IL5RA: variants seen among roughly 807,000 people sequenced by gnomAD.
IL5RA encodes the protein interleukin 5 receptor subunit alpha.
In IL5RA, 49 loss-of-function variants were observed where a neutral mutation model predicts 50.0. The ratio of observed to expected loss-of-function variants is 0.98; its 90% CI spans 0.78 to 1.24. IL5RA has a LOEUF of 1.24. IL5RA is among the 50% of genes most tolerant of loss of function. The pLI is 0.00. For synonymous variants in IL5RA, 202 were observed against 174.0 expected (o/e 1.16, Z -1.26); for missense variants, 600 against 500.4 (o/e 1.20, Z -1.90).
chr3:3,107,189 C>T (rs1032815759), intron 2 of IL5RA, among the ~76,000 whole-genome samples: 1 of 151,722 alleles, frequency 6.6e-6, no homozygotes, highest in African/African-American at 2.4e-5. Flanking sequence ...TGAACAAAAT[C>T]AGTTGTCCTA....
intron 10 of IL5RA, among the ~76,000 whole-genome samples, chr3:3,075,203 CTTTTTTTTTT>C (rs10642608): frequency 2.9e-5 from 2 of 69,940 alleles, no homozygotes; most frequent in African/African-American, 6.0e-5. Flanking sequence ...AGTTTACTTA[CTTTTTTTTTT>C]TTTTTTTTTT....
chr3:3,086,433 T>G (rs2125965164), intron 9 of IL5RA, among the ~76,000 whole-genome samples: 1 of 152,026 alleles, frequency 6.6e-6, no homozygotes, highest in South Asian at 2.1e-4. Flanking sequence ...TTAAGAAAGT[T>G]TAAAAAGGAG....
chr3:3,076,384 A>G, intron 10 of IL5RA, 147 bp downstream of exon 10: 1 of 611,818 alleles, frequency 1.6e-6, no homozygotes, highest in Non-Finnish European at 3.0e-6. Flanking sequence ...TTTGGCCTAC[A>G]CTCATCTTGG....
chr3:3,077,883 A>G (rs1325035556), intron 9 of IL5RA, among the ~76,000 whole-genome samples: 1 of 152,212 alleles, frequency 6.6e-6, no homozygotes, highest in African/African-American at 2.4e-5. Flanking sequence ...ATCCTGTGTC[A>G]TCTCCCTGAA....
intron 9 of IL5RA, among the ~76,000 whole-genome samples, chr3:3,091,034 C>A (rs1050234242): frequency 2.6e-5 from 4 of 152,112 alleles, no homozygotes; most frequent in Non-Finnish European, 4.4e-5. Context: ...GAGACGATGC[C>A]CATCTTACTT....
chr3:3,071,900 G>A (rs536278657), intron 11 of IL5RA, among the ~76,000 whole-genome samples: 18 of 152,078 alleles, frequency 1.2e-4, no homozygotes, highest in Non-Finnish European at 2.5e-4. Context: ...CTTCACTGAC[G>A]TCCAAATTTC....
intron 11 of IL5RA, chr3:3,073,954 C>T (rs17879323): frequency 0.021 from 5,317 of 249,818 alleles, 310 homozygotes; most frequent in African/African-American, 0.12. Flanking sequence ...ACAAATAGAT[C>T]GATAAAACCA....
intron 9 of IL5RA, among the ~76,000 whole-genome samples, chr3:3,079,428 C>A (rs1272865231): frequency 6.6e-6 from 1 of 152,194 alleles, no homozygotes; most frequent in Non-Finnish European, 1.5e-5. Flanking sequence ...CTCTTTCCAT[C>A]CTTTACAGCC....
intron 11 of IL5RA, among the ~76,000 whole-genome samples, chr3:3,071,255 G>A (rs576427225): frequency 6.6e-5 from 10 of 152,094 alleles, no homozygotes; most frequent in African/African-American, 2.2e-4. Context: ...AATAGTTTAC[G>A]GGCAACCTAA....
chr3:3,095,731 CAA>C (rs1703331478), intron 7 of IL5RA, among the ~76,000 whole-genome samples: 1 of 151,762 alleles, frequency 6.6e-6, no homozygotes, highest in Non-Finnish European at 1.5e-5. Flanking sequence ...CAGCTCATTG[CAA>C]GACTCACCCA....
At position 3,109,522 on chromosome 3, in the gene IL5RA, G is replaced by A. The variant is rs114995323; in HGVS notation, c.-146+423C>T. Among the ~76,000 whole-genome samples, 426 of 152,176 alleles carry A rather than the reference G, an allele frequency of 2.8e-3. 2 individuals carry two copies. Among genetic ancestry groups the A allele is most frequent in the African/African-American group, 9.9e-3 (411 of 41,516 alleles). On this transcript the variant is annotated intron_variant, in intron 1 of 11. Coordinates refer to ENST00000446632, the MANE Select transcript of IL5RA (RefSeq NM_175726.4). ...TTTTAATTGCATAATTATCTGGAGC[G>A]GTGGAAAACAGATGTCTTATATTGA...
Position 3,092,253 on chromosome 3 carries a change from C to T in IL5RA, c.965G>A (p.Trp322Ter). Residue 322 changes from tryptophan to a stop codon, truncating the protein, a stop_gained, in exon 9 of 12, where the codon TGG becomes TAG. Transcript: ENST00000446632. LOFTEE classifies it high-confidence loss of function. The surrounding 1 kb of genome is among the most constrained non-coding windows in gnomAD (Gnocchi z 4.2). ...ATAAATAGGTTGGCTCCACTCACTC[C>T]AGAGCCCTGCCTCTCTGCACATGGA... Reference protein sequence around the residue: ...VSSMCREAGLWSEWSQPIYVG... With the variant: ...VSSMCREAGL 1 of 1,614,128 alleles carries T rather than the reference C, an allele frequency of 6.2e-7. No individual in the cohort carries two copies. The highest frequency in any genetic ancestry group is 8.5e-7 in the Non-Finnish European group (1 of 1,180,028).
rs17885000 is a variant in IL5RA at position 3,092,261 on chromosome 3, T to C, written c.957A>G (p.Ala319=). ...RAAVSSMCRE[A]GLWSEWSQPI... ...GTTGGCTCCACTCACTCCAGAGCCCTGCCTCTCTGCACATGGAGCTCACTG... is the reference window on the plus strand; with the variant it reads ...GTTGGCTCCACTCACTCCAGAGCCCCGCCTCTCTGCACATGGAGCTCACTG... The change falls in exon 9 of 12, where the codon GCA becomes GCG. Residue 319 remains alanine, a synonymous_variant. Coordinates refer to ENST00000446632, the MANE Select transcript of IL5RA (RefSeq NM_175726.4). The surrounding 1 kb of genome is among the most constrained non-coding windows in gnomAD (Gnocchi z 4.2). 2.0e-3 allele frequency: 3,186 copies of C among 1,614,154 alleles called. 59 individuals carry two copies. The African/African-American group carries it at 0.038, about 19-fold the overall frequency.
chr3:3,086,418 G>A (rs538003574), intron 9 of IL5RA, among the ~76,000 whole-genome samples: 6 of 152,222 alleles, frequency 3.9e-5, no homozygotes, highest in East Asian at 1.9e-4. Flanking sequence ...AGAAGAATCC[G>A]GAAGTTAAGA....
intron 9 of IL5RA, among the ~76,000 whole-genome samples, chr3:3,083,439 T>TTGTGTGCATGCGTGTATTTG (rs1702738434): frequency 6.6e-6 from 1 of 152,186 alleles, no homozygotes; most frequent in Non-Finnish European, 1.5e-5. Flanking sequence ...GTGTGTGTAT[T>TTGTGTGCATGCGTGTATTTG]TGTGTGCATG....
In IL5RA at chr3:3,070,066, T is replaced by C. The variant is rs1702246061; in HGVS notation, c.*159A>G. The stretch of plus-strand genomic sequence containing the variant: ...GATTTGGATGAAGCATCCATACTTT[T>C]AAGAGATACAAGACTGGTGTGTCTG... On this transcript the variant is annotated 3_prime_UTR_variant, in exon 12 of 12. Transcript: ENST00000446632. 3.3e-6 allele frequency: 2 copies of C among 597,662 alleles called. No homozygotes were observed. The highest frequency in any genetic ancestry group is 6.0e-6 in the Non-Finnish European group (2 of 330,674). The allele number at this position is 597,662 out of a possible 1,614,324, so 37.0% of individuals were successfully genotyped here. A position where few individuals can be genotyped will look rare whatever the true frequency, so the allele number is the denominator to read the frequency against.
Position 3,092,116 on chromosome 3 carries a change from G to A in IL5RA, c.994+108C>T. 2 of 1,502,180 alleles carry A rather than the reference G, an allele frequency of 1.3e-6. No homozygotes were observed. The highest frequency in any genetic ancestry group is 1.8e-6 in the Non-Finnish European group (2 of 1,133,240). The allele number at this position is 1,502,180 out of a possible 1,614,324, so 93.1% of individuals were successfully genotyped here. A position where few individuals can be genotyped will look rare whatever the true frequency, so the allele number is the denominator to read the frequency against. ...GACCGAGAGAAAATTAGTCACAATA[G>A]AGATATGAAACCATTTTAAGACCCA... On this transcript the variant is annotated intron_variant, in intron 9 of 11. Transcript: ENST00000446632. The surrounding 1 kb of genome is among the most constrained non-coding windows in gnomAD (Gnocchi z 4.2).
At chr3:3,086,981 T>C (rs1244169981) in intron 9 of IL5RA, among the ~76,000 whole-genome samples, 1 of 152,090 alleles carries the variant, frequency 6.6e-6, no homozygotes, top group African/African-American at 2.4e-5. Context: ...CCAAATACCA[T>C]ATGTTCTCAC....
At chr3:3,071,361 T>C (rs970633859) in intron 11 of IL5RA, among the ~76,000 whole-genome samples, 1 of 152,218 alleles carries the variant, frequency 6.6e-6, no homozygotes, top group Non-Finnish European at 1.5e-5. Context: ...GCGTGGCTCA[T>C]GCCTGTAATC....
Sources: gnomAD v4.1 joint callset for allele counts (sites outside exome capture counted in the v4.1 genomes callset) on GRCh38, gnomAD v4.1.1 for gene constraint, Gnocchi (gnomAD v3.1) non-coding constraint, MANE v1.5 for transcripts, NCBI Gene and HGNC (gene_info 2026-07-23, HGNC 2026-07-21) for gene names.